Variants in SLC2A8 observed in about 807,000 individuals in gnomAD.
SLC2A8 encodes the protein solute carrier family 2, facilitated glucose transporter member 8.
Under a neutral mutation model 49.2 loss-of-function variants are expected in SLC2A8, and 53 were observed. The observed-to-expected ratio is 1.08, with a 90% confidence interval of 0.86 to 1.35. SLC2A8 has a LOEUF of 1.35. Among genes scored for constraint, SLC2A8 ranks in the 40% most tolerant of loss-of-function variants. The probability of loss-of-function intolerance (pLI) is 0.00; values close to 1 mark genes in which losing one functional copy is unlikely to be tolerated. For synonymous variants in SLC2A8, 299 were observed against 297.0 expected (o/e 1.01, Z -0.07); for missense variants, 688 against 671.7 (o/e 1.02, Z -0.27).
Position 127,402,577 on chromosome 9 carries a change from T to C in SLC2A8, c.547T>C (p.Trp183Arg), listed in dbSNP as rs915814395. ...YLAGWVLEWR[W>R]LAVLGCVPPS... ...CGCAGGCTGGGTGCTGGAGTGGCGCTGGCTGGCTGTGCTGGGCTGCGTGCC... is the reference window on the plus strand; with the variant it reads ...CGCAGGCTGGGTGCTGGAGTGGCGCCGGCTGGCTGTGCTGGGCTGCGTGCC... Residue 183 changes from tryptophan to arginine, a missense_variant, in exon 5 of 10, where the codon TGG becomes CGG. Physicochemically the swap from Trp to Arg is moderately radical, Grantham distance 101 (BLOSUM62 -3). Coordinates refer to ENST00000373371, the MANE Select transcript of SLC2A8 (RefSeq NM_014580.5). 1.9e-6 allele frequency: 3 copies of C among 1,578,034 alleles called. No individual in the cohort carries two copies. Among genetic ancestry groups the C allele is most frequent in the Non-Finnish European group, 2.6e-6 (3 of 1,165,568 alleles).
chr9:127,404,819 TGTG>T lies in SLC2A8; in HGVS notation c.981_983del (p.Val328del), dbSNP rs748525388. ...CCACTGCCGCCCTCCCGCCTGCAGG[TGTG>T]GTCATGGTGTTCAGCACGAGTGCCT... On this transcript the variant is annotated inframe_deletion and splice_region_variant, in exon 8 of 10. Coordinates refer to ENST00000373371, the MANE Select transcript of SLC2A8 (RefSeq NM_014580.5). 1 of 1,607,822 alleles carries T rather than the reference TGTG, an allele frequency of 6.2e-7. No homozygotes were observed. The highest frequency in any genetic ancestry group is 8.5e-7 in the Non-Finnish European group (1 of 1,176,050).
intron 3 of SLC2A8, 67 bp downstream of exon 3, chr9:127,398,178 C>T (rs1833120178): frequency 1.3e-6 from 2 of 1,497,158 alleles, no homozygotes; most frequent in East Asian, 2.3e-5. Flanking sequence ...GGACAAACCG[C>T]TCCCCAGGCC....
At position 127,399,370 on chromosome 9, in the gene SLC2A8, C is replaced by T. The variant is rs781707435; in HGVS notation, c.427-537C>T. ...TCTCGTCATCATATGCAGCCCTCTC[C>T]GTTACCCTTAATCCCCTTTAAACAC... is the stretch of plus-strand genomic sequence containing the variant. On this transcript the variant is annotated intron_variant, in intron 3 of 9. Coordinates refer to ENST00000373371, the MANE Select transcript of SLC2A8 (RefSeq NM_014580.5). The surrounding 1 kb of genome is among the most constrained non-coding windows in gnomAD (Gnocchi z 4.2). Among the ~76,000 whole-genome samples the T allele has an allele frequency of 6.6e-6, 1 of 152,228 alleles. No individual in the cohort carries two copies. The highest frequency in any genetic ancestry group is 2.1e-4 in the South Asian group (1 of 4,820).
rs1277409649 is a variant in SLC2A8 at position 127,399,231 on chromosome 9, G to A, written c.427-676G>A. Among the ~76,000 whole-genome samples, 2 of 152,174 alleles carry A rather than the reference G, an allele frequency of 1.3e-5. No homozygotes were observed. The highest frequency in any genetic ancestry group is 2.9e-5 in the Non-Finnish European group (2 of 68,036). Reference sequence around the variant, plus strand: ...TCCTGGGTGGGCGTCACGTGGAGCTGGTTAACAAGGTGGAATCTTTCGCCT... The same window carrying A: ...TCCTGGGTGGGCGTCACGTGGAGCTAGTTAACAAGGTGGAATCTTTCGCCT... On this transcript the variant is annotated intron_variant, in intron 3 of 9. Coordinates refer to ENST00000373371, the MANE Select transcript of SLC2A8 (RefSeq NM_014580.5). The surrounding 1 kb of genome is among the most constrained non-coding windows in gnomAD (Gnocchi z 4.2).
chr9:127,398,374 A>T (rs778960372), intron 3 of SLC2A8: 1 of 761,920 alleles, frequency 1.3e-6, no homozygotes, highest in Non-Finnish European at 2.5e-6. Flanking sequence ...AGCTAGTCAG[A>T]GGGGAAGCAG....
chr9:127,399,940 CG>C lies in SLC2A8; in HGVS notation c.465del (p.Leu156CysfsTer8), dbSNP rs774729657. ...CTCCGAAATCGCCTACCCAGCAGTCCGGGGGTTGCTCGGCTCCTGTGTGCAG... is the reference window on the plus strand; with the variant it reads ...CTCCGAAATCGCCTACCCAGCAGTCCGGGGTTGCTCGGCTCCTGTGTGCAG... Reference protein sequence around the residue: ...YISEIAYPAVRGLLGSCVQLM... With the variant: ...YISEIAYPAVXGLLGSCVQLM... On this transcript the variant is annotated frameshift_variant, in exon 4 of 10. Coordinates refer to ENST00000373371, the MANE Select transcript of SLC2A8 (RefSeq NM_014580.5). LOFTEE classifies it high-confidence loss of function. The surrounding 1 kb of genome is among the most constrained non-coding windows in gnomAD (Gnocchi z 4.2). 182 of 1,613,672 alleles carry C rather than the reference CG, an allele frequency of 1.1e-4. No individual in the cohort carries two copies. Among genetic ancestry groups the C allele is most frequent in the Admixed American group, 3.3e-4 (20 of 59,988 alleles).
At chr9:127,398,224 TG>T in intron 3 of SLC2A8, 113 bp downstream of exon 3, 1 of 1,140,434 alleles carries the variant, frequency 8.8e-7, no homozygotes, top group South Asian at 1.3e-5. Flanking sequence ...ACCTTCTGGG[TG>T]CCAGGCTTGA....
At position 127,407,603 on chromosome 9, in the gene SLC2A8, C is replaced by T. The variant is rs1476678258; in HGVS notation, c.*354C>T. 7.8e-6 allele frequency: 3 copies of T among 384,448 alleles called. No individual in the cohort carries two copies. Among genetic ancestry groups the T allele is most frequent in the Non-Finnish European group, 1.6e-5 (3 of 186,882 alleles). The allele number at this position is 384,448 out of a possible 1,614,324, so 23.8% of individuals were successfully genotyped here. A position where few individuals can be genotyped will look rare whatever the true frequency, so the allele number is the denominator to read the frequency against. On this transcript the variant is annotated 3_prime_UTR_variant, in exon 10 of 10. Transcript: ENST00000373371. The stretch of plus-strand genomic sequence containing the variant: ...TTGGGTGCTGGGCATTCAGTCGCTC[C>T]TCTCACGCGGCTGCCTTATCGGGAA...
Position 127,399,505 on chromosome 9 carries a change from AGCTCTGAATGG to A in SLC2A8, c.427-401_427-391del, listed in dbSNP as rs1305244484. Among the ~76,000 whole-genome samples, 1 of 151,456 alleles carries A rather than the reference AGCTCTGAATGG, an allele frequency of 6.6e-6. No individual in the cohort carries two copies. Among genetic ancestry groups the A allele is most frequent in the African/African-American group, 2.4e-5 (1 of 41,200 alleles). On this transcript the variant is annotated intron_variant, in intron 3 of 9. Transcript: ENST00000373371. The surrounding 1 kb of genome is among the most constrained non-coding windows in gnomAD (Gnocchi z 4.2). ...GTAACCCCCTGCAAGGACTTTCCTCAGCTCTGAATGGCTGAGACCTTTCCATTTTAAGAACT... is the reference window on the plus strand; with the variant it reads ...GTAACCCCCTGCAAGGACTTTCCTCACTGAGACCTTTCCATTTTAAGAACT...
chr9:127,407,088 C>T (rs752835879), intron 9 of SLC2A8, 24 bp from the exon 10 acceptor site: 1 of 1,611,948 alleles, frequency 6.2e-7, no homozygotes. Context: ...CCGCGTCCAC[C>T]CATGGCCTTT....
At position 127,405,396 on chromosome 9, in the gene SLC2A8, G is replaced by A. The variant is rs777444389; in HGVS notation, c.1151-24G>A. On this transcript the variant is annotated intron_variant, in intron 8 of 9. Transcript: ENST00000373371. ...CCCAGCCCTGCGGACCCTGATGCCT[G>A]TCTTGCCTGTCTCGCTCCCACAGGC... 3 of 1,610,770 alleles carry A rather than the reference G, an allele frequency of 1.9e-6. 1 individual carries two copies. In the South Asian group the frequency reaches 3.3e-5, roughly 18 times the overall value.
In SLC2A8 at chr9:127,402,630, C is replaced by CT. The variant is rs1833332757; in HGVS notation, c.602dup (p.Met202HisfsTer39). 6.3e-7 allele frequency: 1 copy of CT among 1,597,738 alleles called. No individual in the cohort carries two copies. Among genetic ancestry groups the CT allele is most frequent in the African/African-American group, 1.3e-5 (1 of 74,722 alleles). On this transcript the variant is annotated frameshift_variant, in exon 5 of 10. Coordinates refer to ENST00000373371, the MANE Select transcript of SLC2A8 (RefSeq NM_014580.5). LOFTEE classifies it high-confidence loss of function. ...CCTCCCTCATGCTGCTTCTCATGTG[C>CT]TTCATGCCCGAGACCCCGCGCTTCC...
At chr9:127,401,311 T>C (rs1323447337) in intron 4 of SLC2A8, among the ~76,000 whole-genome samples, 3 of 152,210 alleles carry the variant, frequency 2.0e-5, no homozygotes, top group Non-Finnish European at 2.9e-5. Context: ...CAAATGAGAA[T>C]TGTCAAGGGA....
In SLC2A8 at chr9:127,401,051, C is replaced by T. The variant is rs150685881; in HGVS notation, c.526+1045C>T. Among the ~76,000 whole-genome samples, 12 of 152,256 alleles carry T rather than the reference C, an allele frequency of 7.9e-5. No individual in the cohort carries two copies. The East Asian group carries it at 1.7e-3, about 22-fold the overall frequency. Reference sequence around the variant, plus strand: ...CTGAGGTTTCAGTGAGCTGAGATCGCGCCACTGCACTCCAGTGTGGGCGAC... The same window carrying T: ...CTGAGGTTTCAGTGAGCTGAGATCGTGCCACTGCACTCCAGTGTGGGCGAC... On this transcript the variant is annotated intron_variant, in intron 4 of 9. Transcript: ENST00000373371.
rs913202598 is a variant in SLC2A8 at position 127,399,218 on chromosome 9, G to C, written c.427-689G>C. 1.5e-4 allele frequency among the ~76,000 whole-genome samples: 23 copies of C among 152,196 alleles called. No individual in the cohort carries two copies. The highest frequency in any genetic ancestry group is 3.4e-4 in the Non-Finnish European group (23 of 68,032). On this transcript the variant is annotated intron_variant, in intron 3 of 9. Coordinates refer to ENST00000373371, the MANE Select transcript of SLC2A8 (RefSeq NM_014580.5). The surrounding 1 kb of genome is among the most constrained non-coding windows in gnomAD (Gnocchi z 4.2). ...CCCTGGGCTAGGATCCTGGGTGGGC[G>C]TCACGTGGAGCTGGTTAACAAGGTG...
Position 127,397,507 on chromosome 9 carries a change from G to T in SLC2A8, c.188G>T (p.Arg63Leu). Reference sequence around the variant, plus strand: ...CAGCGCGCCGCGCCCCCGGCCCCGCGCCTGGACGACGCCGCCGCCTCCTGG... The same window carrying T: ...CAGCGCGCCGCGCCCCCGGCCCCGCTCCTGGACGACGCCGCCGCCTCCTGG... ...SLQRAAPPAP[R>L]LDDAAASWFG... The change falls in exon 2 of 10, where the codon CGC (arginine) becomes CTC (leucine). Residue 63 changes from arginine (R) to leucine (L), a missense_variant. Physicochemically the swap from Arg to Leu is moderately radical, Grantham distance 102. Coordinates refer to ENST00000373371, the MANE Select transcript of SLC2A8 (RefSeq NM_014580.5). 3 of 1,438,446 alleles carry T rather than the reference G, an allele frequency of 2.1e-6. No homozygotes were observed. The highest frequency in any genetic ancestry group is 1.8e-6 in the Non-Finnish European group (2 of 1,106,976). 89.1% of individuals were successfully genotyped at this position (1,438,446 alleles called of 1,614,324 possible). A position where few individuals can be genotyped will look rare whatever the true frequency, so the allele number is the denominator to read the frequency against.
rs749130065 is a variant in SLC2A8, at chr9:127,404,839, C to G, written c.998C>G (p.Thr333Arg). 10 of 1,612,212 alleles carry G rather than the reference C, an allele frequency of 6.2e-6. No individual in the cohort carries two copies. The Admixed American group carries it at 8.3e-5, about 13-fold the overall frequency. ...GCAGGTGTGGTCATGGTGTTCAGCA[C>G]GAGTGCCTTCGGCGCCTACTTCAAG... ...VLSGVVMVFS[T>R]SAFGAYFKLT... Residue 333 changes from threonine (T) to arginine (R), a missense_variant, in exon 8 of 10, where the codon ACG (threonine) becomes AGG (arginine). By Grantham distance (71) the Thr-to-Arg change is moderately conservative. Coordinates refer to ENST00000373371, the MANE Select transcript of SLC2A8 (RefSeq NM_014580.5).
Position 127,405,405 on chromosome 9 carries a change from G to A in SLC2A8, c.1151-15G>A. On this transcript the variant is annotated splice_polypyrimidine_tract_variant and intron_variant, in intron 8 of 9. Coordinates refer to ENST00000373371, the MANE Select transcript of SLC2A8 (RefSeq NM_014580.5). The stretch of plus-strand genomic sequence containing the variant: ...GCGGACCCTGATGCCTGTCTTGCCT[G>A]TCTCGCTCCCACAGGCTTTGCGGTG... The A allele has an allele frequency of 1.2e-6, 2 of 1,611,784 alleles. No homozygotes were observed. The highest frequency in any genetic ancestry group is 1.1e-5 in the South Asian group (1 of 91,076).
In SLC2A8 at chr9:127,399,826, C is replaced by A; in HGVS notation, c.427-81C>A. 2.5e-6 allele frequency: 3 copies of A among 1,206,116 alleles called. No homozygotes were observed. The highest frequency in any genetic ancestry group is 3.6e-6 in the Non-Finnish European group (3 of 824,810). The allele number at this position is 1,206,116 out of a possible 1,614,324, so 74.7% of individuals were successfully genotyped here. A position where few individuals can be genotyped will look rare whatever the true frequency, so the allele number is the denominator to read the frequency against. ...AAACTCCCAACCTCTGGTGATCTGC[C>A]CGCCTCGGCCTCCCAGAGTGCTGGG... On this transcript the variant is annotated intron_variant, in intron 3 of 9. Transcript: ENST00000373371. This position sits in a 1 kb window ranked among gnomAD's most constrained non-coding sequence, Gnocchi z 4.2.
Sources: gnomAD v4.1 joint callset for allele counts (sites outside exome capture counted in the v4.1 genomes callset) on GRCh38, gnomAD v4.1.1 for gene constraint, Gnocchi (gnomAD v3.1) non-coding constraint, MANE v1.5 for transcripts, NCBI Gene and HGNC (gene_info 2026-07-23, HGNC 2026-07-21) for gene names.